LIMS1: variants seen among roughly 807,000 people sequenced by gnomAD.
The protein encoded by LIMS1 is LIM and senescent cell antigen-like-containing domain protein 1.
Under a neutral mutation model 44.1 loss-of-function variants are expected in LIMS1, and 18 were observed. The ratio of observed to expected loss-of-function variants is 0.41; its 90% CI spans 0.28 to 0.61. The LOEUF (loss-of-function observed/expected upper bound fraction) is 0.61, where lower values mean the gene tolerates loss of function less well. Ranked by LOEUF, LIMS1 falls within the 20% of genes least tolerant of loss-of-function variation. The probability of loss-of-function intolerance (pLI) is 0.32; values close to 1 mark genes in which losing one functional copy is unlikely to be tolerated. For missense variants in LIMS1, 201 were observed against 422.0 expected (o/e 0.48, Z 4.59); for synonymous variants, 93 against 149.1 (o/e 0.62, Z 2.74).
chr2:108,541,653 G>C (rs1168251908), intron 1 of LIMS1, among the ~76,000 whole-genome samples: 1 of 152,174 alleles, frequency 6.6e-6, no homozygotes, highest in African/African-American at 2.4e-5. Context: ...GTCACACACT[G>C]TTTCCTTAGC....
At chr2:108,613,698 C>T (rs1183164370) in intron 1 of LIMS1, among the ~76,000 whole-genome samples, 2 of 152,160 alleles carry the variant, frequency 1.3e-5, no homozygotes, top group South Asian at 2.1e-4. Context: ...GCTTAAGACA[C>T]GGGCGGCCCT....
intron 9 of LIMS1, chr2:108,681,604 T>C: frequency 1.0e-6 from 1 of 964,872 alleles, no homozygotes; most frequent in Non-Finnish European, 1.2e-6. Context: ...TAAAAATGCA[T>C]ATATTCTAAG....
In LIMS1 at chr2:108,615,517, A is replaced by G. The variant is rs963794399; in HGVS notation, c.33-44088A>G. Among the ~76,000 whole-genome samples, 8 of 151,640 alleles carry G rather than the reference A, an allele frequency of 5.3e-5. No homozygotes were observed. In the East Asian group the frequency reaches 1.4e-3, roughly 26 times the overall value. On this transcript the variant is annotated intron_variant, in intron 1 of 9. Transcript: ENST00000544547. ...GCATGCCTTTTTGTGGTCCTTATCT[A>G]CTCTAGAGCTCTTATCCTCAAGCAG...
intron 1 of LIMS1, among the ~76,000 whole-genome samples, chr2:108,588,978 G>A (rs887876642): frequency 6.6e-6 from 1 of 152,104 alleles, no homozygotes; most frequent in African/African-American, 2.4e-5. Context: ...ATCCTGCAGA[G>A]CCTTCTATAA....
chr2:108,662,373 A>G (rs1691439379), intron 2 of LIMS1: 3 of 1,593,436 alleles, frequency 1.9e-6, no homozygotes, highest in Admixed American at 1.7e-5. Context: ...GCAGTGAAGA[A>G]TAAAGTGTGA....
intron 1 of LIMS1, among the ~76,000 whole-genome samples, chr2:108,560,730 G>A (rs765961087): frequency 2.0e-5 from 3 of 152,088 alleles, no homozygotes; most frequent in Non-Finnish European, 2.9e-5. Context: ...TTGTTGTCAT[G>A]TCTGTCCTTA....
chr2:108,614,269 G>A (rs1050981828), intron 1 of LIMS1, among the ~76,000 whole-genome samples: 8 of 152,118 alleles, frequency 5.3e-5, no homozygotes, highest in Non-Finnish European at 1.0e-4. Flanking sequence ...TCCTCCACGC[G>A]AACTGCCCTG....
chr2:108,586,563 C>A (rs1057366828), intron 1 of LIMS1, among the ~76,000 whole-genome samples: 2 of 152,200 alleles, frequency 1.3e-5, no homozygotes, highest in African/African-American at 4.8e-5. Context: ...AAGCATGGTA[C>A]GTCCTTATGC....
chr2:108,535,059 A>G (rs1303299592), intron 1 of LIMS1, among the ~76,000 whole-genome samples: 2 of 152,238 alleles, frequency 1.3e-5, no homozygotes, highest in African/African-American at 2.4e-5. Context: ...GTTAACGTAC[A>G]TACCACATTT....
intron 1 of LIMS1, among the ~76,000 whole-genome samples, chr2:108,583,843 C>T (rs1212010759): frequency 6.6e-6 from 1 of 151,476 alleles, no homozygotes; most frequent in Non-Finnish European, 1.5e-5. Context: ...CACAGGCGCC[C>T]ACCACCACGC....
exon 10 of LIMS1, chr2:108,685,701 A>C (rs559193120): frequency 1.3e-5 from 2 of 152,288 alleles, no homozygotes; most frequent in Non-Finnish European, 2.9e-5. Flanking sequence ...CAATCTTTGC[A>C]TTTTACAGTA....
rs543678447 is a variant in LIMS1 at position 108,624,665 on chromosome 2, G to T, written c.33-34940G>T. Among the ~76,000 whole-genome samples, 3 of 152,198 alleles carry T rather than the reference G, an allele frequency of 2.0e-5. No individual in the cohort carries two copies. The South Asian group carries it at 6.2e-4, about 31-fold the overall frequency. On this transcript the variant is annotated intron_variant, in intron 1 of 9. Coordinates refer to ENST00000544547, the Ensembl canonical transcript of LIMS1. ...CCAGCTACTGTGGAGGCTGAGGCAG[G>T]AGAATCGTTTGAACCCAGGAGACAG...
chr2:108,605,667 G>C (rs1687234087), intron 1 of LIMS1, among the ~76,000 whole-genome samples: 2 of 152,156 alleles, frequency 1.3e-5, no homozygotes, highest in African/African-American at 4.8e-5. Context: ...TTTGGACTTA[G>C]TGATGCCCCA....
intron 9 of LIMS1, among the ~76,000 whole-genome samples, chr2:108,681,898 A>G (rs1693026391): frequency 2.0e-5 from 3 of 152,246 alleles, no homozygotes; most frequent in African/African-American, 7.2e-5. Context: ...CTCAAAAAAA[A>G]AAAAAAATCT....
chr2:108,620,311 A>T (rs1688165997), intron 1 of LIMS1, among the ~76,000 whole-genome samples: 1 of 152,228 alleles, frequency 6.6e-6, no homozygotes, highest in Admixed American at 6.5e-5. Context: ...AAAGGAAAAG[A>T]GGCTGGTATA....
chr2:108,560,480 G>A (rs527727685), intron 1 of LIMS1, among the ~76,000 whole-genome samples: 5 of 151,970 alleles, frequency 3.3e-5, no homozygotes, highest in Non-Finnish European at 5.9e-5. Context: ...TCACCAGCGG[G>A]GCTTCCATCC....
In LIMS1 at chr2:108,534,496, T is replaced by C. The variant is rs947244119; in HGVS notation, c.-67T>C. On this transcript the variant is annotated 5_prime_UTR_variant, in exon 1 of 10. Coordinates refer to ENST00000544547, the Ensembl canonical transcript of LIMS1. ...GTAGCCGGCCGCGGCGGCGAGGGAC[T>C]AGGACGCGGCTGGAGCGGCGCCGGG... 17 of 1,142,500 alleles carry C rather than the reference T, an allele frequency of 1.5e-5. No homozygotes were observed. The African/African-American group carries it at 1.8e-4, about 12-fold the overall frequency. The allele number at this position is 1,142,500 out of a possible 1,614,324, so 70.8% of individuals were successfully genotyped here. A position where few individuals can be genotyped will look rare whatever the true frequency, so the allele number is the denominator to read the frequency against.
upstream of LIMS1, chr2:108,534,316 T>A: frequency 7.4e-6 from 1 of 135,378 alleles, no homozygotes; most frequent in African/African-American, 3.3e-5. Flanking sequence ...GTCCGCGCCC[T>A]TCGGCGCCCG....
At position 108,642,351 on chromosome 2, in the gene LIMS1, TTTTTTTGTTTTTTG is replaced by T. The variant is rs1558824039; in HGVS notation, c.33-17247_33-17234del. Among the ~76,000 whole-genome samples, 47 of 8,908 alleles carry T rather than the reference TTTTTTTGTTTTTTG, an allele frequency of 5.3e-3. 3 individuals are homozygous for T. The highest frequency in any genetic ancestry group is 0.04 in the South Asian group (2 of 50). The allele number at this position is 8,908 out of a possible 152,430, so 5.8% of individuals were successfully genotyped here. ...GCTACTAGTGTTTTTTGTTTTTTTTTTTTTTTGTTTTTTGTTTTTTTTTTTTGAGACGGAGTCTC... is the reference window on the plus strand; with the variant it reads ...GCTACTAGTGTTTTTTGTTTTTTTTTTTTTTTTTTTTTGAGACGGAGTCTC... On this transcript the variant is annotated intron_variant, in intron 1 of 9. Transcript: ENST00000544547.
Sources: allele counts gnomAD v4.1 joint callset (sites outside exome capture counted in the v4.1 genomes callset), GRCh38; gene constraint gnomAD v4.1.1; transcripts MANE v1.5; gene names NCBI Gene and HGNC (gene_info 2026-07-23, HGNC 2026-07-21).